ABHD1: variants seen among roughly 807,000 people sequenced by gnomAD.
The protein encoded by ABHD1 is abhydrolase domain containing 1, also known as protein ABHD1.
A neutral mutation model predicts 41.4 loss-of-function variants in ABHD1; 47 were observed. The ratio of observed to expected loss-of-function variants is 1.13; its 90% CI spans 0.90 to 1.45. The LOEUF (loss-of-function observed/expected upper bound fraction) is 1.45. Among genes scored for constraint, ABHD1 ranks in the 40% most tolerant of loss-of-function variants. The pLI is 0.00. For missense variants in ABHD1, 550 were observed against 503.4 expected (o/e 1.09, Z -0.89); for synonymous variants, 205 against 203.7 (o/e 1.01, Z -0.05).
chr2:27,130,294 C>A lies in ABHD1; in HGVS notation c.884C>A (p.Ala295Asp). Residue 295 changes from alanine (A) to aspartate (D), a missense_variant, in exon 8 of 9, where the codon GCC becomes GAC. By Grantham distance (126) the Ala-to-Asp change is moderately radical (BLOSUM62 -2). Transcript: ENST00000316470. ...RQFDERYTSV[A>D]FGYQDCVTYY... ...TTTGATGAGCGCTACACATCTGTGG[C>A]CTTTGGATATCAAGACTGTGTTACC... 1 of 1,614,132 alleles carries A rather than the reference C, an allele frequency of 6.2e-7. No homozygotes were observed. The highest frequency in any genetic ancestry group is 8.5e-7 in the Non-Finnish European group (1 of 1,180,018).
chr2:27,130,620 T>C lies in ABHD1; in HGVS notation c.1094T>C (p.Leu365Pro), dbSNP rs772768250. The C allele has an allele frequency of 3.1e-6, 5 of 1,614,180 alleles. No homozygotes were observed. Among genetic ancestry groups the C allele is most frequent in the Non-Finnish European group, 4.2e-6 (5 of 1,180,030 alleles). Reference protein sequence around the residue: ...RGGHIGFLEGLLPWQHWYMSR... With the variant: ...RGGHIGFLEGPLPWQHWYMSR... Reference sequence around the variant, plus strand: ...GGCCACATCGGCTTCCTGGAAGGGCTGCTCCCGTGGCAGCACTGGTACATG... The same window carrying C: ...GGCCACATCGGCTTCCTGGAAGGGCCGCTCCCGTGGCAGCACTGGTACATG... The change falls in exon 9 of 9, where the codon CTG becomes CCG. Residue 365 changes from leucine to proline, a missense_variant. Coordinates refer to ENST00000316470, the MANE Select transcript of ABHD1 (RefSeq NM_032604.4).
chr2:27,126,018 G>C (rs1318232853), intron 1 of ABHD1: 2 of 152,098 alleles, frequency 1.3e-5, no homozygotes, highest in African/African-American at 2.4e-5. Flanking sequence ...TGAATCTCCT[G>C]CTCTGCCACT....
At chr2:27,124,291 G>A in intron 1 of ABHD1, 2 of 634,744 alleles carry the variant, frequency 3.2e-6, no homozygotes, top group Admixed American at 2.1e-5. Flanking sequence ...CCTATAATGT[G>A]GACAAGCATT....
Position 27,128,966 on chromosome 2 carries a change from T to A in ABHD1, c.297T>A (p.Asp99Glu). The A allele has an allele frequency of 6.2e-7, 1 of 1,613,958 alleles. No homozygotes were observed. ...CCAGTGACATCCTCCAAACACCAGA[T>A]GGAGGCCAGCTCCTGCTAGACTGGG... ...LYQSDILQTP[D>E]GGQLLLDWAK... is the part of the protein sequence containing the mutation. The change falls in exon 3 of 9, where the codon GAT becomes GAA. Residue 99 changes from aspartate (D) to glutamate (E), a missense_variant. Transcript: ENST00000316470.
Position 27,130,456 on chromosome 2 carries a change from A to G in ABHD1, c.1006+40A>G. ...TCAGGACACTTTGGCCCCAAGGAAA[A>G]TGGGCCATGAGGGACGCAACAGACA... On this transcript the variant is annotated intron_variant, in intron 8 of 8. Coordinates refer to ENST00000316470, the MANE Select transcript of ABHD1 (RefSeq NM_032604.4). 1.9e-6 allele frequency: 3 copies of G among 1,613,236 alleles called. No homozygotes were observed. The African/African-American group carries it at 4.0e-5, about 22-fold the overall frequency.
In ABHD1 at chr2:27,129,555, G is replaced by C. The variant is rs200619659; in HGVS notation, c.546G>C (p.Glu182Asp). ...AFCASNTEDL[E>D]TVVNHIKHRY... ...GTGCCAGCAATACTGAAGATCTAGAGACAGTCGTGAACCACATAAAGCATC... is the reference window on the plus strand; with the variant it reads ...GTGCCAGCAATACTGAAGATCTAGACACAGTCGTGAACCACATAAAGCATC... Residue 182 changes from glutamate to aspartate, a missense_variant, in exon 5 of 9, where the codon GAG becomes GAC. Coordinates refer to ENST00000316470, the MANE Select transcript of ABHD1 (RefSeq NM_032604.4). 264 of 1,613,984 alleles carry C rather than the reference G, an allele frequency of 1.6e-4. No individual in the cohort carries two copies. The highest frequency in any genetic ancestry group is 1.4e-4 in the Non-Finnish European group (160 of 1,180,060).
rs762346863 is a variant in ABHD1, at chr2:27,130,199, A to G, written c.840+46A>G. 11 of 1,614,026 alleles carry G rather than the reference A, an allele frequency of 6.8e-6. No homozygotes were observed. The East Asian group carries it at 2.2e-4, about 33-fold the overall frequency. On this transcript the variant is annotated intron_variant, in intron 7 of 8. Transcript: ENST00000316470. ...CCTGGTTCCCCCAAATGAGTCTTCCACTATCTTCCTATTCTTTATCATCTT... is the reference window on the plus strand; with the variant it reads ...CCTGGTTCCCCCAAATGAGTCTTCCGCTATCTTCCTATTCTTTATCATCTT...
In ABHD1 at chr2:27,129,824, G is replaced by A. The variant is rs760527669; in HGVS notation, c.688G>A (p.Ala230Thr). Reference sequence around the variant, plus strand: ...GCTGGTGGCAGCACTGACTCTGTCTGCATGCTGGGATTCCTTTGAGACCAC... The same window carrying A: ...GCTGGTGGCAGCACTGACTCTGTCTACATGCTGGGATTCCTTTGAGACCAC... ...AGLVAALTLSACWDSFETTRS... is the reference protein window; with the variant it reads ...AGLVAALTLSTCWDSFETTRS... Residue 230 changes from alanine to threonine, a missense_variant, in exon 6 of 9, where the codon GCA becomes ACA. Transcript: ENST00000316470. The A allele has an allele frequency of 6.2e-7, 1 of 1,614,204 alleles. No individual in the cohort carries two copies.
intron 1 of ABHD1, among the ~76,000 whole-genome samples, chr2:27,128,174 T>C (rs1672053457): frequency 6.6e-6 from 1 of 152,130 alleles, no homozygotes; most frequent in Non-Finnish European, 1.5e-5. Context: ...AGCAGGAAAG[T>C]CAGCACTCAG....
In ABHD1 at chr2:27,130,650, G is replaced by A. The variant is rs755480808; in HGVS notation, c.1124G>A (p.Arg375His). 21 of 1,614,186 alleles carry A rather than the reference G, an allele frequency of 1.3e-5. No individual in the cohort carries two copies. Among genetic ancestry groups the A allele is most frequent in the Non-Finnish European group, 1.8e-5 (21 of 1,180,028 alleles). The stretch of plus-strand genomic sequence containing the variant: ...CCGTGGCAGCACTGGTACATGAGCC[G>A]CCTCTTGCATCAGTACGCCAAAGCC... ...LLPWQHWYMS[R>H]LLHQYAKAIF... The change falls in exon 9 of 9, where the codon CGC becomes CAC. Residue 375 changes from arginine to histidine, a missense_variant. Transcript: ENST00000316470.
At chr2:27,129,235 T>G in intron 3 of ABHD1, 81 bp from the exon 4 acceptor site, 1 of 1,602,106 alleles carries the variant, frequency 6.2e-7, no homozygotes, top group East Asian at 2.2e-5. Context: ...AAGGGAGTCT[T>G]TGGACAGGGG....
rs763148217 is a variant in ABHD1, at chr2:27,130,738, C to G, written c.1212C>G (p.Asn404Lys). 7.4e-6 allele frequency: 12 copies of G among 1,613,890 alleles called. No homozygotes were observed. In the Admixed American group the frequency reaches 1.8e-4, roughly 25 times the overall value. Residue 404 changes from asparagine to lysine, a missense_variant, in exon 9 of 9, where the codon AAC (asparagine) becomes AAG (lysine). Transcript: ENST00000316470. ...LRALLPSEDRNS is the reference protein window; with the variant it reads ...LRALLPSEDRKS ...CTCTCTTACCTTCTGAGGACAGAAA[C>G]AGCTGACAAGAGTACCATTTGGGGT...
intron 4 of ABHD1, 46 bp from the exon 5 acceptor site, chr2:27,129,467 TC>T (rs764813476): frequency 6.2e-7 from 1 of 1,612,662 alleles, no homozygotes; most frequent in South Asian, 1.1e-5. Flanking sequence ...CCCTCCACCT[TC>T]TGGCCACGGT....
In ABHD1 at chr2:27,129,939, G is replaced by T. The variant is rs1206656777; in HGVS notation, c.791+12G>T. On this transcript the variant is annotated intron_variant, in intron 6 of 8. Transcript: ENST00000316470. ...CAACTTGTGGAACGGTAGGGTCGTG[G>T]CAAGTGGGAGGAGGCAGTAGACAGA... is the stretch of plus-strand genomic sequence containing the variant. 1 of 1,613,816 alleles carries T rather than the reference G, an allele frequency of 6.2e-7. No individual in the cohort carries two copies. Among genetic ancestry groups the T allele is most frequent in the South Asian group, 1.1e-5 (1 of 91,070 alleles).
chr2:27,127,551 CTCAAAAAAAAAAAAAA>C (rs1157566875), intron 1 of ABHD1, among the ~76,000 whole-genome samples: 1 of 18,928 alleles, frequency 5.3e-5, no homozygotes, highest in Non-Finnish European at 9.6e-5. Context: ...GAGACTCTGT[CTCAAAAAAAAAAAAAA>C]AAAAGAAAAA....
intron 2 of ABHD1, 102 bp from the exon 3 acceptor site, chr2:27,128,843 G>T: frequency 7.3e-7 from 1 of 1,376,854 alleles, no homozygotes; most frequent in South Asian, 1.4e-5. Flanking sequence ...TGATGCTGAC[G>T]GGAAGTGATA....
chr2:27,128,051 T>C (rs1334788758), intron 1 of ABHD1, among the ~76,000 whole-genome samples: 1 of 152,106 alleles, frequency 6.6e-6, no homozygotes, highest in Admixed American at 6.6e-5. Context: ...TGGGCTCAAG[T>C]GATCCTCCCA....
chr2:27,130,176 T>G lies in ABHD1; in HGVS notation c.840+23T>G, dbSNP rs1672169044. ...CAGGTATAATATTCAGCCATGCCCC[T>G]GGTTCCCCCAAATGAGTCTTCCACT... On this transcript the variant is annotated intron_variant, in intron 7 of 8. Coordinates refer to ENST00000316470, the MANE Select transcript of ABHD1 (RefSeq NM_032604.4). 5 of 1,614,068 alleles carry G rather than the reference T, an allele frequency of 3.1e-6. No homozygotes were observed. In the South Asian group the frequency reaches 5.5e-5, roughly 18 times the overall value.
At chr2:27,127,234 A>ATTTTTT (rs1671995444) in intron 1 of ABHD1, among the ~76,000 whole-genome samples, 1 of 121,108 alleles carries the variant, frequency 8.3e-6, no homozygotes, top group African/African-American at 3.0e-5. Context: ...GTGTAGCTTC[A>ATTTTTT]TCTTTTTTTT....
Sources: allele counts gnomAD v4.1 joint callset (sites outside exome capture counted in the v4.1 genomes callset), GRCh38; gene constraint gnomAD v4.1.1; transcripts MANE v1.5; gene names NCBI Gene and HGNC (gene_info 2026-07-23, HGNC 2026-07-21).